Variants in PPP6R1 observed in about 807,000 individuals in gnomAD.
The protein encoded by PPP6R1 is protein phosphatase 6 regulatory subunit 1.
A neutral mutation model predicts 104.6 loss-of-function variants in PPP6R1; 39 were observed. The ratio of observed to expected loss-of-function variants is 0.37; its 90% confidence interval spans 0.29 to 0.49. The LOEUF is 0.49. Among genes scored for constraint, PPP6R1 ranks in the 20% least tolerant of loss-of-function variants. PPP6R1 has a pLI of 0.98. For missense variants in PPP6R1, 1,181 were observed against 1,155.8 expected (o/e 1.02, Z -0.32); for synonymous variants, 549 against 479.0 (o/e 1.15, Z -1.91).
rs1347595061 is a variant in PPP6R1 at position 55,231,444 on chromosome 19, G to A, written c.2425C>T (p.His809Tyr). 1.2e-6 allele frequency: 2 copies of A among 1,607,468 alleles called. No homozygotes were observed. The highest frequency in any genetic ancestry group is 1.7e-6 in the Non-Finnish European group (2 of 1,177,514). ...VSIGDLQATF[H>Y]GIRSAPSSSD... is the part of the protein sequence containing the mutation. The stretch of plus-strand genomic sequence containing the variant: ...GAGCTGGGGGCAGAACGGATCCCGT[G>A]GAAGGTGGCCTGAAGGTCCCCGATG... Residue 809 changes from histidine (H) to tyrosine (Y), a missense_variant, in exon 21 of 24, where the codon CAC becomes TAC. Physicochemically the swap from His to Tyr is moderately conservative, Grantham distance 83. Around this residue, in one of 2 missense-constraint regions of PPP6R1, gnomAD observed 1,042 missense variants for 955.6 expected, o/e 1.09. Transcript: ENST00000412770.
At chr19:55,234,394 T>TA (rs2087376316) in intron 17 of PPP6R1, among the ~76,000 whole-genome samples, 1 of 152,164 alleles carries the variant, frequency 6.6e-6, no homozygotes, top group African/African-American at 2.4e-5. Flanking sequence ...TTTACACAGG[T>TA]GCCAAGATGA....
Position 55,231,873 on chromosome 19 carries a change from G to A in PPP6R1, c.2235C>T (p.Pro745=), listed in dbSNP as rs1181733537. 2.7e-6 allele frequency: 4 copies of A among 1,504,862 alleles called. No individual in the cohort carries two copies. Among genetic ancestry groups the A allele is most frequent in the Non-Finnish European group, 3.5e-6 (4 of 1,126,982 alleles). The allele number at this position is 1,504,862 out of a possible 1,614,324, so 93.2% of individuals were successfully genotyped here. Residue 745 remains proline (P), a synonymous_variant, in exon 19 of 24, where the codon CCC becomes CCT. Transcript: ENST00000412770. ...TGGGGAGGCCCTGGGGCACACTGAG[G>A]GGCCCCTGTGGGGCTGGAGGCCCAG... The part of the protein sequence containing the change: ...LHTGPPAPQG[P]LSVPQGLPTQ...
chr19:55,230,893 G>A lies in PPP6R1; in HGVS notation c.2460-9C>T, dbSNP rs1489211229. The A allele has an allele frequency of 6.3e-7, 1 of 1,592,492 alleles. No homozygotes were observed. Among genetic ancestry groups the A allele is most frequent in the African/African-American group, 1.3e-5 (1 of 74,572 alleles). On this transcript the variant is annotated splice_polypyrimidine_tract_variant and intron_variant, in intron 21 of 23. Coordinates refer to ENST00000412770, the MANE Select transcript of PPP6R1 (RefSeq NM_014931.4). ...AGGGGTCTCTGGTTGCACTGTGGGT[G>A]AGAGGCAGGTGCGGCTGTCAGCGTG...
At chr19:55,254,854 A>C (rs2087580594) in intron 1 of PPP6R1, among the ~76,000 whole-genome samples, 1 of 152,232 alleles carries the variant, frequency 6.6e-6, no homozygotes, top group Non-Finnish European at 1.5e-5. Flanking sequence ...CCAAATCTGA[A>C]AGGGGGCTGG....
intron 1 of PPP6R1, among the ~76,000 whole-genome samples, chr19:55,249,841 G>GA (rs1174291881): frequency 0.031 from 4,465 of 144,700 alleles, 203 homozygotes; most frequent in African/African-American, 0.1. Flanking sequence ...CTCTGTCTCG[G>GA]AAAAAAAAAA....
intron 1 of PPP6R1, chr19:55,255,794 G>C (rs977777205): frequency 6.6e-6 from 1 of 152,470 alleles, no homozygotes; most frequent in East Asian, 1.9e-4. Context: ...GGGTCCTTCA[G>C]GCCCCCACAC....
chr19:55,238,073 T>A (rs1379375008), intron 15 of PPP6R1, among the ~76,000 whole-genome samples: 2 of 151,972 alleles, frequency 1.3e-5, no homozygotes, highest in Admixed American at 6.6e-5. Context: ...TTTTTTTTTT[T>A]AATTAAAAAA....
At chr19:55,248,353 C>G (rs1402399505) in intron 1 of PPP6R1, among the ~76,000 whole-genome samples, 2 of 152,220 alleles carry the variant, frequency 1.3e-5, no homozygotes, top group African/African-American at 4.8e-5. Context: ...GCCATCTGGT[C>G]CCAGCAGACA....
chr19:55,236,847 G>GGGCCACACTGCCCAC (rs780019029), intron 16 of PPP6R1, 26 bp from the exon 17 acceptor site: 43 of 1,613,874 alleles, frequency 2.7e-5, no homozygotes, highest in Non-Finnish European at 3.6e-5. Context: ...GTGGGAGGAT[G>GGGCCACACTGCCCAC]GGCCACACTG....
In PPP6R1 at chr19:55,241,485, G is replaced by T. The variant is rs1314390243; in HGVS notation, c.1000C>A (p.Pro334Thr). The change falls in exon 8 of 24, where the codon CCT becomes ACT. Residue 334 changes from proline (P) to threonine (T), a missense_variant. Around this residue, in one of 2 missense-constraint regions of PPP6R1, gnomAD observed 1,042 missense variants for 955.6 expected, o/e 1.09. Transcript: ENST00000412770. This position sits in a 1 kb window ranked among gnomAD's most constrained non-coding sequence, Gnocchi z 5.4. ...GAACCCACACCCCTGACCTTGGGAGGCTCCAGCAGGAGCTGGTGGAAGCAG... is the reference window on the plus strand; with the variant it reads ...GAACCCACACCCCTGACCTTGGGAGTCTCCAGCAGGAGCTGGTGGAAGCAG... ...LSCFHQLLLE[P>T]PKLEPLQMTW... 2 of 1,601,540 alleles carry T rather than the reference G, an allele frequency of 1.2e-6. No homozygotes were observed. Among genetic ancestry groups the T allele is most frequent in the East Asian group, 4.5e-5 (2 of 44,368 alleles).
At chr19:55,238,525 C>G (rs867901010) in intron 15 of PPP6R1, among the ~76,000 whole-genome samples, 1 of 152,130 alleles carries the variant, frequency 6.6e-6, no homozygotes, top group East Asian at 1.9e-4. Flanking sequence ...GACAGAGTCT[C>G]GCTCTGTTGC....
At chr19:55,250,989 G>C (rs540251018) in intron 1 of PPP6R1, among the ~76,000 whole-genome samples, 1 of 152,344 alleles carries the variant, frequency 6.6e-6, no homozygotes, top group East Asian at 1.9e-4. Flanking sequence ...CTGGCCTTCT[G>C]TTTTCAGAAC....
At chr19:55,236,538 T>G in intron 17 of PPP6R1, 105 bp downstream of exon 17, 1 of 1,288,954 alleles carries the variant, frequency 7.8e-7, no homozygotes, top group African/African-American at 1.5e-5. Context: ...TGCAGGTTCC[T>G]TATTTTCTTC....
At chr19:55,243,641 G>A (rs2087479977) in intron 5 of PPP6R1, among the ~76,000 whole-genome samples, 1 of 151,492 alleles carries the variant, frequency 6.6e-6, no homozygotes, top group Non-Finnish European at 1.5e-5. Flanking sequence ...ACTCCAGCCT[G>A]GGCAACAGAG....
In PPP6R1 at chr19:55,241,411, T is replaced by G; in HGVS notation, c.1009-20A>C. Reference sequence around the variant, plus strand: ...CTCCAGCTGCAGACACAGGGAGGCCTGATTCCCAAGGGCTGCCCTTCCTGC... The same window carrying G: ...CTCCAGCTGCAGACACAGGGAGGCCGGATTCCCAAGGGCTGCCCTTCCTGC... On this transcript the variant is annotated intron_variant, in intron 8 of 23. Coordinates refer to ENST00000412770, the MANE Select transcript of PPP6R1 (RefSeq NM_014931.4). The surrounding 1 kb of genome is among the most constrained non-coding windows in gnomAD (Gnocchi z 5.4). 1.2e-6 allele frequency: 2 copies of G among 1,601,186 alleles called. No homozygotes were observed. Among genetic ancestry groups the G allele is most frequent in the East Asian group, 2.2e-5 (1 of 44,664 alleles).
In PPP6R1 at chr19:55,236,982, G is replaced by A; in HGVS notation, c.1752-12C>T. ...TGTCAAAAGGTGCGCTAGGAGAGAA[G>A]GCAAGGCATGGTGAGAAGGTCCACC... On this transcript the variant is annotated splice_polypyrimidine_tract_variant and intron_variant, in intron 15 of 23. Coordinates refer to ENST00000412770, the MANE Select transcript of PPP6R1 (RefSeq NM_014931.4). The A allele has an allele frequency of 3.1e-6, 5 of 1,604,012 alleles. No individual in the cohort carries two copies. The highest frequency in any genetic ancestry group is 4.3e-6 in the Non-Finnish European group (5 of 1,170,870).
rs754481401 is a variant in PPP6R1 at position 55,230,649 on chromosome 19, C to G, written c.2606G>C (p.Gly869Ala). The G allele has an allele frequency of 6.2e-7, 1 of 1,609,530 alleles. No homozygotes were observed. The highest frequency in any genetic ancestry group is 8.5e-7 in the Non-Finnish European group (1 of 1,177,992). Reference sequence around the variant, plus strand: ...GGATGCAGGCCCTTCCGGGGCAGAGCCATTGGGTATCGGAGGAGGCGTGAG... The same window carrying G: ...GGATGCAGGCCCTTCCGGGGCAGAGGCATTGGGTATCGGAGGAGGCGTGAG... Reference protein sequence around the residue: ...QALTPPPIPNGSAPEGPASPG... With the variant: ...QALTPPPIPNASAPEGPASPG... Residue 869 changes from glycine (G) to alanine (A), a missense_variant, in exon 23 of 24, where the codon GGC (glycine) becomes GCC (alanine). By Grantham distance (60) the Gly-to-Ala change is moderately conservative (BLOSUM62 0). Coordinates refer to ENST00000412770, the MANE Select transcript of PPP6R1 (RefSeq NM_014931.4).
chr19:55,238,426 T>C (rs2087418755), intron 15 of PPP6R1, among the ~76,000 whole-genome samples: 2 of 152,164 alleles, frequency 1.3e-5, no homozygotes, highest in Non-Finnish European at 2.9e-5. Flanking sequence ...GGGGCAGCCA[T>C]GGGCAGCCAT....
intron 22 of PPP6R1, 41 bp downstream of exon 22, chr19:55,230,733 G>GCCCCAC: frequency 7.4e-7 from 1 of 1,353,022 alleles, no homozygotes; most frequent in East Asian, 2.7e-5. Context: ...TGCCCCACCA[G>GCCCCAC]CCCCACCCCC....
Sources: allele counts gnomAD v4.1 joint callset (sites outside exome capture counted in the v4.1 genomes callset), GRCh38; gene constraint gnomAD v4.1.1; regional missense constraint gnomAD v4.1.1; non-coding constraint Gnocchi (gnomAD v3.1); transcripts MANE v1.5; gene names NCBI Gene and HGNC (gene_info 2026-07-23, HGNC 2026-07-21).